Variants in ECPAS observed in about 807,000 individuals in gnomAD.
ECPAS encodes proteasome adapter and scaffold protein ECM29.
A neutral mutation model predicts 255.1 loss-of-function variants in ECPAS; 70 were observed. That is an observed-to-expected ratio of 0.27 (90% CI 0.23 to 0.33). The LOEUF (loss-of-function observed/expected upper bound fraction) is 0.33. ECPAS is among the 10% of genes least tolerant of loss of function. The pLI, the probability that ECPAS is intolerant of heterozygous loss-of-function variation, is 1.00. For synonymous variants in ECPAS, 784 were observed against 775.0 expected, an observed-to-expected ratio of 1.01 and a Z score of -0.19; for missense variants, 1,817 against 2,206.4, an observed-to-expected ratio of 0.82 and a Z score of 3.54.
intron 2 of ECPAS, among the ~76,000 whole-genome samples, chr9:111,457,932 G>A (rs898709583): frequency 7.2e-5 from 11 of 152,036 alleles, no homozygotes; most frequent in African/African-American, 2.7e-4. Flanking sequence ...ATGTGATTTA[G>A]GAAAATATCC....
chr9:111,367,428 TA>T (rs1467690906), intron 46 of ECPAS, among the ~76,000 whole-genome samples: 1 of 152,222 alleles, frequency 6.6e-6, no homozygotes, highest in East Asian at 1.9e-4. Context: ...ACATTTCTAT[TA>T]ACAACCTTCT....
At chr9:111,362,241 C>T in intron 49 of ECPAS, 72 bp from the exon 50 acceptor site, 1 of 1,327,672 alleles carries the variant, frequency 7.5e-7, no homozygotes, top group South Asian at 1.4e-5. Flanking sequence ...CCAAAGAATC[C>T]TTATAGAACA....
At chr9:111,477,668 A>AG (rs2098298125) in intron 1 of ECPAS, among the ~76,000 whole-genome samples, 1 of 152,208 alleles carries the variant, frequency 6.6e-6, no homozygotes, top group Non-Finnish European at 1.5e-5. Flanking sequence ...CTGTCTAATG[A>AG]GGGTAGCTCT....
intron 2 of ECPAS, among the ~76,000 whole-genome samples, chr9:111,469,333 G>A (rs2098283442): frequency 1.3e-5 from 2 of 151,964 alleles, no homozygotes; most frequent in African/African-American, 4.8e-5. Context: ...GTGAATTTGA[G>A]ACCAGCCCGG....
At chr9:111,416,980 TC>T (rs2098204642) in intron 17 of ECPAS, among the ~76,000 whole-genome samples, 1 of 152,120 alleles carries the variant, frequency 6.6e-6, no homozygotes, top group Non-Finnish European at 1.5e-5. Context: ...CATGAACTGT[TC>T]CCTGAAGCAT....
Position 111,417,959 on chromosome 9 carries a change from G to A in ECPAS, c.1607C>T (p.Pro536Leu), listed in dbSNP as rs1180892693. The A allele has an allele frequency of 6.2e-7, 1 of 1,607,252 alleles. No individual in the cohort carries two copies. Among genetic ancestry groups the A allele is most frequent in the Non-Finnish European group, 8.5e-7 (1 of 1,176,648 alleles). ...GEAQRVLRCL[P>L]GRNRKESTSE... ...AGTACTTTCTTTTCTGTTTCTACCT[G>A]GAAGACACCTTAATACGCGTTGTGC... Residue 536 changes from proline (P) to leucine (L), a missense_variant, in exon 17 of 50, where the codon CCA becomes CTA. Pro to Leu is a moderately conservative substitution (Grantham distance 98, BLOSUM62 -3). This residue lies in a region of ECPAS where 573 missense variants were observed against 716.2 expected (regional missense o/e 0.80). Coordinates refer to ENST00000684092, the MANE Select transcript of ECPAS (RefSeq NM_001364929.1).
At chr9:111,368,985 A>T in intron 46 of ECPAS, 50 bp downstream of exon 46, 1 of 1,465,836 alleles carries the variant, frequency 6.8e-7, no homozygotes, top group Non-Finnish European at 9.0e-7. Flanking sequence ...CTTCGCTCTC[A>T]TTAAGTAACC....
intron 1 of ECPAS, chr9:111,483,649 G>A (rs2098310494): frequency 5.1e-6 from 1 of 197,622 alleles, no homozygotes; most frequent in Non-Finnish European, 8.9e-6. Context: ...CGTTCACTCG[G>A]CGCGGACCGC....
Position 111,420,101 on chromosome 9 carries a change from T to C in ECPAS, c.1475A>G (p.Gln492Arg), listed in dbSNP as rs2098211002. ...CGTACTGGCAAATTTCACAGCCACT[T>C]GTCGAACTTGAACTTCAGGCTATTT... ...YLIKPEVQVR[Q>R]VAVKFASTVF... Residue 492 changes from glutamine to arginine, a missense_variant, in exon 16 of 50, where the codon CAA becomes CGA. This residue lies in a region of ECPAS where 573 missense variants were observed against 716.2 expected (regional missense o/e 0.80). Transcript: ENST00000684092. 6.2e-7 allele frequency: 1 copy of C among 1,612,624 alleles called. No individual in the cohort carries two copies. Among genetic ancestry groups the C allele is most frequent in the African/African-American group, 1.3e-5 (1 of 74,890 alleles).
chr9:111,419,763 T>C (rs1009152572), intron 16 of ECPAS, among the ~76,000 whole-genome samples: 5 of 150,346 alleles, frequency 3.3e-5, no homozygotes, highest in Non-Finnish European at 7.4e-5. Context: ...ATTTTCTGTA[T>C]TAGCTATATA....
intron 24 of ECPAS, among the ~76,000 whole-genome samples, chr9:111,403,790 A>C (rs1476041220): frequency 1.3e-5 from 2 of 149,928 alleles, no homozygotes; most frequent in Non-Finnish European, 2.9e-5. Context: ...CATTTCATCC[A>C]ACTGCTATAG....
intron 2 of ECPAS, among the ~76,000 whole-genome samples, chr9:111,470,367 G>A (rs1338709221): frequency 9.9e-5 from 15 of 151,266 alleles, no homozygotes; most frequent in African/African-American, 3.6e-4. Context: ...CTGCAGTGCA[G>A]TGGCGCAATC....
chr9:111,471,778 T>C (rs1477894901), intron 2 of ECPAS, among the ~76,000 whole-genome samples: 1 of 152,180 alleles, frequency 6.6e-6, no homozygotes, highest in Non-Finnish European at 1.5e-5. Context: ...CCAATTACCA[T>C]GAAGATGCCT....
At chr9:111,436,121 T>C (rs771812675) in intron 7 of ECPAS, among the ~76,000 whole-genome samples, 1 of 152,040 alleles carries the variant, frequency 6.6e-6, no homozygotes, top group Non-Finnish European at 1.5e-5. Flanking sequence ...AATTTGTGAA[T>C]GGCAAGAATG....
intron 45 of ECPAS, among the ~76,000 whole-genome samples, chr9:111,369,751 G>GA (rs2098125138): frequency 1.3e-5 from 2 of 151,584 alleles, no homozygotes; most frequent in Non-Finnish European, 2.9e-5. Flanking sequence ...TTGGGGGGGG[G>GA]ACCAGTGCCC....
intron 2 of ECPAS, among the ~76,000 whole-genome samples, chr9:111,471,860 T>C (rs1475467024): frequency 5.3e-5 from 8 of 152,004 alleles, no homozygotes; most frequent in Non-Finnish European, 8.8e-5. Context: ...CATGACACTT[T>C]GGGGGGCCCA....
At chr9:111,399,804 G>A (rs1258173937) in intron 24 of ECPAS, among the ~76,000 whole-genome samples, 1 of 152,240 alleles carries the variant, frequency 6.6e-6, no homozygotes, top group Non-Finnish European at 1.5e-5. Flanking sequence ...GGCAAGAAGG[G>A]AATCTGCTCA....
intron 1 of ECPAS, among the ~76,000 whole-genome samples, chr9:111,478,705 T>C (rs1207702464): frequency 2.6e-5 from 4 of 152,196 alleles, no homozygotes; most frequent in Admixed American, 6.5e-5. Flanking sequence ...TTGAAATCTA[T>C]AGAAATGCAG....
chr9:111,454,747 C>T (rs2098264779), intron 2 of ECPAS, among the ~76,000 whole-genome samples: 1 of 150,424 alleles, frequency 6.6e-6, no homozygotes, highest in South Asian at 2.1e-4. Context: ...GTCTTGCTGA[C>T]ACCCAGGCTA....
Sources: allele counts gnomAD v4.1 joint callset (sites outside exome capture counted in the v4.1 genomes callset), GRCh38; gene constraint gnomAD v4.1.1; regional missense constraint gnomAD v4.1.1; transcripts MANE v1.5; gene names NCBI Gene and HGNC (gene_info 2026-07-23, HGNC 2026-07-21).